The following NAGA variants were observed in gnomAD, a reference collection of about 807,000 sequenced individuals.
NAGA encodes the protein Acetylgalactosaminidase, alpha-N- (alpha-galactosidase B).
NAGA carries 42 observed loss-of-function variants against 45.6 expected under a neutral mutation model. The ratio of observed to expected loss-of-function variants is 0.92; its 90% CI spans 0.72 to 1.19. NAGA has a LOEUF of 1.19. NAGA is among the 50% of genes most tolerant of loss of function. NAGA has a pLI of 0.00. For synonymous variants in NAGA, 176 were observed against 203.1 expected (o/e 0.87, Z 1.13); for missense variants, 493 against 544.8 (o/e 0.90, Z 0.95).
At chr22:42,061,095 G>T in intron 7 of NAGA, 28 bp from the exon 8 acceptor site, 1 of 1,612,282 alleles carries the variant, frequency 6.2e-7, no homozygotes, top group East Asian at 2.2e-5. Flanking sequence ...CTACTGGCTG[G>T]GGTCCCTTGC....
chr22:42,064,684 G>A (rs1173744405), intron 6 of NAGA, among the ~76,000 whole-genome samples: 4 of 152,020 alleles, frequency 2.6e-5, no homozygotes, highest in African/African-American at 7.2e-5. Context: ...AACCCCATGG[G>A]GGTGATGGGG....
Position 42,067,005 on chromosome 22 carries a change from A to G in NAGA, c.502+108T>C, listed in dbSNP as rs558174970. On this transcript the variant is annotated intron_variant, in intron 4 of 8. Transcript: ENST00000396398. ...GGAGCCTGGGAGCCACAATCCCCCT[A>G]ACCCCTGGGTAGGGGGAATTGGGAA... The G allele has an allele frequency of 2.5e-5, 38 of 1,536,458 alleles. No homozygotes were observed. In the African/African-American group the frequency reaches 4.8e-4, roughly 19 times the overall value.
At position 42,060,158 on chromosome 22, in the gene NAGA, A is replaced by G; in HGVS notation, c.*121T>C. The G allele has an allele frequency of 7.5e-7, 1 of 1,325,566 alleles. No homozygotes were observed. The highest frequency in any genetic ancestry group is 1.2e-5 in the South Asian group (1 of 84,328). 82.1% of individuals were successfully genotyped at this position (1,325,566 alleles called of 1,614,324 possible). On this transcript the variant is annotated 3_prime_UTR_variant, in exon 9 of 9. Coordinates refer to ENST00000396398, the MANE Select transcript of NAGA (RefSeq NM_000262.3). ...GCCGTGAGATTGCACTTTGGGTATG[A>G]TGGGGTCAGTCACCGAGCAGGCCTG...
At position 42,070,421 on chromosome 22, in the gene NAGA, C is replaced by T; in HGVS notation, c.-124G>A. On this transcript the variant is annotated 5_prime_UTR_variant, in exon 1 of 9. Coordinates refer to ENST00000396398, the MANE Select transcript of NAGA (RefSeq NM_000262.3). ...TGGGGTCACGGCTGCCTGGCTAGCTCGGCCGCCCTCAACCTTAGGCGTGGA... is the reference window on the plus strand; with the variant it reads ...TGGGGTCACGGCTGCCTGGCTAGCTTGGCCGCCCTCAACCTTAGGCGTGGA... 2.5e-6 allele frequency: 3 copies of T among 1,178,178 alleles called. No homozygotes were observed. The highest frequency in any genetic ancestry group is 3.8e-6 in the Non-Finnish European group (3 of 786,558). The allele number at this position is 1,178,178 out of a possible 1,614,324, so 73.0% of individuals were successfully genotyped here.
At chr22:42,063,257 C>T (rs905934166) in intron 6 of NAGA, among the ~76,000 whole-genome samples, 2 of 151,992 alleles carry the variant, frequency 1.3e-5, no homozygotes, top group Non-Finnish European at 1.5e-5. Flanking sequence ...CAGGAGTCGG[C>T]GGTAGGGGGG....
intron 6 of NAGA, 124 bp downstream of exon 6, chr22:42,065,614 A>T (rs1926676035): frequency 7.7e-7 from 1 of 1,300,506 alleles, no homozygotes; most frequent in African/African-American, 1.5e-5. Context: ...GTTCAGGGAC[A>T]CATTTCAGAA....
intron 6 of NAGA, among the ~76,000 whole-genome samples, chr22:42,065,379 G>GA (rs1926661104): frequency 6.6e-6 from 1 of 152,168 alleles, no homozygotes; most frequent in Admixed American, 6.5e-5. Context: ...GAGGCACACG[G>GA]GGGAGAGCAG....
Position 42,060,277 on chromosome 22 carries a change from C to T in NAGA, c.*2G>A, listed in dbSNP as rs367990564. 1 of 1,613,314 alleles carries T rather than the reference C, an allele frequency of 6.2e-7. No homozygotes were observed. Among genetic ancestry groups the T allele is most frequent in the Non-Finnish European group, 8.5e-7 (1 of 1,179,990 alleles). ...CCACAGCCTGTCACATGTCCCAGCT[C>T]CTCACTGCTGGGACATCTCCAGGTT... is the stretch of plus-strand genomic sequence containing the variant. On this transcript the variant is annotated 3_prime_UTR_variant, in exon 9 of 9. Coordinates refer to ENST00000396398, the MANE Select transcript of NAGA (RefSeq NM_000262.3).
rs759609668 is a variant in NAGA at position 42,067,129 on chromosome 22, GGGGGT to G, written c.481_485del (p.Thr161ArgfsTer31). On this transcript the variant is annotated frameshift_variant, in exon 4 of 9. Transcript: ENST00000396398. LOFTEE classifies it high-confidence loss of function. ...GTAACTCACCCTGGGCCCGCTCCTCGGGGGTGGAGAAGCAGCCATCCAGCTTGAGC... is the reference window on the plus strand; with the variant it reads ...GTAACTCACCCTGGGCCCGCTCCTCGGGAGAAGCAGCCATCCAGCTTGAGC... The G allele has an allele frequency of 6.2e-7, 1 of 1,613,968 alleles. No individual in the cohort carries two copies. Among genetic ancestry groups the G allele is most frequent in the South Asian group, 1.1e-5 (1 of 91,080 alleles).
intron 5 of NAGA, 108 bp from the exon 6 acceptor site, chr22:42,066,007 G>T: frequency 7.1e-7 from 1 of 1,409,720 alleles, no homozygotes; most frequent in Non-Finnish European, 9.8e-7. Flanking sequence ...GAGTGGGGAA[G>T]AGGGAAGAGA....
At chr22:42,060,518 G>C in intron 8 of NAGA, 105 bp from the exon 9 acceptor site, 1 of 1,509,464 alleles carries the variant, frequency 6.6e-7, no homozygotes, top group Non-Finnish European at 9.1e-7. Context: ...TGGCCTGTCT[G>C]TGCTGGGCTT....
intron 8 of NAGA, 25 bp from the exon 9 acceptor site, chr22:42,060,438 A>G (rs1453056770): frequency 2.5e-6 from 4 of 1,611,950 alleles, no homozygotes; most frequent in Non-Finnish European, 1.7e-6. Flanking sequence ...GACATCACCA[A>G]TGCCACCATG....
In NAGA at chr22:42,070,276, AGG is replaced by A; in HGVS notation, c.16+4_16+5del. 1 of 1,614,230 alleles carries A rather than the reference AGG, an allele frequency of 6.2e-7. No individual in the cohort carries two copies. Among genetic ancestry groups the A allele is most frequent in the Non-Finnish European group, 8.5e-7 (1 of 1,180,026 alleles). ...CCTTCCAAGCCACCCCAGCCGGTGT[AGG>A]TACCTGTCTTCAGCAGCATCGCTCT... On this transcript the variant is annotated splice_donor_5th_base_variant and intron_variant, in intron 1 of 8. Transcript: ENST00000396398.
At position 42,067,866 on chromosome 22, in the gene NAGA, G is replaced by A. The variant is rs765103677; in HGVS notation, c.223C>T (p.Leu75Phe). Residue 75 changes from leucine (L) to phenylalanine (F), a missense_variant, in exon 3 of 9, where the codon CTC (leucine) becomes TTC (phenylalanine). By Grantham distance (22) the Leu-to-Phe change is conservative (BLOSUM62 0). Transcript: ENST00000396398. ...CCGATCCAGCAGTCATCAATGTTGA[G>A]GTATGTGTAGCCCATGTCCCGCCAT... The part of the protein sequence containing the change: ...DGWRDMGYTY[L>F]NIDDCWIGGR... 1.9e-6 allele frequency: 3 copies of A among 1,613,520 alleles called. No homozygotes were observed. The highest frequency in any genetic ancestry group is 2.2e-5 in the South Asian group (2 of 91,092).
chr22:42,060,111 C>G lies in NAGA; in HGVS notation c.*168G>C. ...AAAGAAGTTTCCAAGAGGGTTTACG[C>G]TTGGACAGGGCATAGAACCTGGCCG... On this transcript the variant is annotated 3_prime_UTR_variant, in exon 9 of 9. Transcript: ENST00000396398. 1.1e-6 allele frequency: 1 copy of G among 889,876 alleles called. No homozygotes were observed. The highest frequency in any genetic ancestry group is 1.8e-6 in the Non-Finnish European group (1 of 562,956). The allele number at this position is 889,876 out of a possible 1,614,324, so 55.1% of individuals were successfully genotyped here. A position where few individuals can be genotyped will look rare whatever the true frequency, so the allele number is the denominator to read the frequency against.
Position 42,060,392 on chromosome 22 carries a change from C to A in NAGA, c.1123G>T (p.Asp375Tyr). Residue 375 changes from aspartate to tyrosine, a missense_variant, in exon 9 of 9, where the codon GAC (aspartate) becomes TAC (tyrosine). By Grantham distance (160) the Asp-to-Tyr change is radical (BLOSUM62 -3). Coordinates refer to ENST00000396398, the MANE Select transcript of NAGA (RefSeq NM_000262.3). ...IYEAQDVYSGDIISGLRDETN... is the reference protein window; with the variant it reads ...IYEAQDVYSGYIISGLRDETN... ...TCATCTCGGAGGCCACTGATGATGT[C>A]ACCTGAGTAGACGTCCTGGGCCTGC... 1 of 1,613,476 alleles carries A rather than the reference C, an allele frequency of 6.2e-7. No homozygotes were observed. Among genetic ancestry groups the A allele is most frequent in the Non-Finnish European group, 8.5e-7 (1 of 1,180,008 alleles).
chr22:42,063,248 A>G (rs369283971), intron 6 of NAGA, among the ~76,000 whole-genome samples: 1 of 152,164 alleles, frequency 6.6e-6, no homozygotes, highest in African/African-American at 2.4e-5. Context: ...CATCAAGAAC[A>G]GGAGTCGGCG....
intron 6 of NAGA, 140 bp downstream of exon 6, chr22:42,065,598 C>A: frequency 8.6e-7 from 1 of 1,159,096 alleles, no homozygotes; most frequent in Non-Finnish European, 1.2e-6. Context: ...AAGTCTAAAG[C>A]AACCAGTTCA....
intron 8 of NAGA, among the ~76,000 whole-genome samples, 165 bp from the exon 9 acceptor site, chr22:42,060,578 C>T (rs1469180213): frequency 6.6e-6 from 1 of 152,150 alleles, no homozygotes; most frequent in Non-Finnish European, 1.5e-5. Context: ...CACTTCTCCA[C>T]CAGCAAATCC....
Sources: gnomAD v4.1 joint callset for allele counts (sites outside exome capture counted in the v4.1 genomes callset) on GRCh38, gnomAD v4.1.1 for gene constraint, MANE v1.5 for transcripts, NCBI Gene and HGNC (gene_info 2026-07-23, HGNC 2026-07-21) for gene names.